Variants in XKR4 observed in about 807,000 individuals in gnomAD.
XKR4 encodes the protein XK related 4, also known as XK-related protein 4.
A neutral mutation model predicts 53.9 loss-of-function variants in XKR4; 12 were observed. That is an observed-to-expected ratio of 0.22 (90% confidence interval 0.14 to 0.36). The LOEUF is 0.36. Ranked by LOEUF, XKR4 falls within the 10% of genes least tolerant of loss-of-function variation. The pLI, the probability that XKR4 is intolerant of heterozygous loss-of-function variation, is 1.00. For missense variants in XKR4, 799 were observed against 859.5 expected (o/e 0.93, Z 0.88); for synonymous variants, 354 against 362.4 (o/e 0.98, Z 0.26).
At chr8:55,408,687 TGGAA>T (rs1804726468) in intron 2 of XKR4, among the ~76,000 whole-genome samples, 1 of 152,044 alleles carries the variant, frequency 6.6e-6, no homozygotes, top group Non-Finnish European at 1.5e-5. Context: ...TGTAGGCTAT[TGGAA>T]GGTAGCAGGG....
intron 1 of XKR4, among the ~76,000 whole-genome samples, chr8:55,131,568 T>G (rs1482380346): frequency 6.6e-6 from 1 of 152,208 alleles, no homozygotes; most frequent in African/African-American, 2.4e-5. Flanking sequence ...TTTGAATCTC[T>G]TCAGCACATT....
chr8:55,429,194 G>A (rs1015285362), intron 2 of XKR4, among the ~76,000 whole-genome samples: 2 of 152,160 alleles, frequency 1.3e-5, no homozygotes, highest in African/African-American at 4.8e-5. Flanking sequence ...CCAACAAATG[G>A]TGCTGGAGCA....
At chr8:55,211,810 G>T (rs761886616) in intron 1 of XKR4, among the ~76,000 whole-genome samples, 32 of 152,336 alleles carry the variant, frequency 2.1e-4, no homozygotes, top group Non-Finnish European at 4.0e-4. Flanking sequence ...TAAAATATTT[G>T]AAGAGATTTA....
At chr8:55,213,188 C>T (rs772155085) in intron 1 of XKR4, among the ~76,000 whole-genome samples, 124 of 152,308 alleles carry the variant, frequency 8.1e-4, no homozygotes, top group Non-Finnish European at 5.6e-4. Context: ...GATGGAGTTG[C>T]TTTGGCTCGA....
intron 1 of XKR4, among the ~76,000 whole-genome samples, chr8:55,148,564 A>G (rs1181796554): frequency 1.3e-5 from 2 of 152,194 alleles, no homozygotes; most frequent in East Asian, 3.8e-4. Flanking sequence ...ATCGGGTCAA[A>G]TAATGTAAAA....
Position 55,524,408 on chromosome 8 carries a change from C to T in XKR4, c.*181C>T. 1.6e-6 allele frequency: 1 copy of T among 630,088 alleles called. No homozygotes were observed. Among genetic ancestry groups the T allele is most frequent in the South Asian group, 2.0e-5 (1 of 48,948 alleles). 39.0% of individuals were successfully genotyped at this position (630,088 alleles called of 1,614,324 possible). On this transcript the variant is annotated 3_prime_UTR_variant, in exon 3 of 3. Coordinates refer to ENST00000327381, the MANE Select transcript of XKR4 (RefSeq NM_052898.2). ...GGCTGGTCTCCTTCCAAAGCAGCTG[C>T]ACCCGAGAGTCTCTGACTCCACCTG...
At chr8:55,207,628 ATGCG>A (rs1817667418) in intron 1 of XKR4, among the ~76,000 whole-genome samples, 6 of 146,980 alleles carry the variant, frequency 4.1e-5, no homozygotes, top group East Asian at 2.0e-4. Context: ...ACACACACAC[ATGCG>A]CGCGCACACA....
intron 2 of XKR4, among the ~76,000 whole-genome samples, chr8:55,414,465 T>C (rs1249028391): frequency 6.6e-6 from 1 of 150,808 alleles, no homozygotes; most frequent in Non-Finnish European, 1.5e-5. Context: ...GTTTCATATG[T>C]AATAGATTAT....
chr8:55,270,869 A>C (rs1162412843), intron 1 of XKR4, among the ~76,000 whole-genome samples: 1 of 152,220 alleles, frequency 6.6e-6, no homozygotes, highest in Non-Finnish European at 1.5e-5. Flanking sequence ...GGTGAAAGGC[A>C]TATAAAATAG....
chr8:55,430,666 A>G (rs1805087917), intron 2 of XKR4, among the ~76,000 whole-genome samples: 1 of 152,226 alleles, frequency 6.6e-6, no homozygotes, highest in Admixed American at 6.5e-5. Flanking sequence ...TTAGCAAAGT[A>G]TCATAGATGG....
intron 1 of XKR4, among the ~76,000 whole-genome samples, chr8:55,247,430 T>G (rs1818299687): frequency 6.6e-6 from 1 of 152,234 alleles, no homozygotes; most frequent in Admixed American, 6.5e-5. Context: ...TTAGCTCTTT[T>G]GATTTTTACA....
chr8:55,518,366 C>CG (rs1806746362), intron 2 of XKR4, among the ~76,000 whole-genome samples: 1 of 152,178 alleles, frequency 6.6e-6, no homozygotes, highest in Non-Finnish European at 1.5e-5. Context: ...AATACTCTTT[C>CG]TTTTTTTCCT....
At chr8:55,213,400 G>T (rs1817755409) in intron 1 of XKR4, among the ~76,000 whole-genome samples, 1 of 152,160 alleles carries the variant, frequency 6.6e-6, no homozygotes, top group African/African-American at 2.4e-5. Flanking sequence ...ATCAATCTGG[G>T]TGGCATCAGC....
At chr8:55,465,169 G>T (rs1005922858) in intron 2 of XKR4, among the ~76,000 whole-genome samples, 1 of 152,180 alleles carries the variant, frequency 6.6e-6, no homozygotes, top group South Asian at 2.1e-4. Flanking sequence ...AAAGAAGCCT[G>T]CATTGCCAAG....
Position 55,529,839 on chromosome 8 carries a change from C to T in XKR4, c.*5612C>T, listed in dbSNP as rs1227688698. ...AATGAACAGTTAAAAATGTAAAAGT[C>T]GATGTAAAATGGAAGTCTCTATCAC... On this transcript the variant is annotated 3_prime_UTR_variant, in exon 3 of 3. Coordinates refer to ENST00000327381, the MANE Select transcript of XKR4 (RefSeq NM_052898.2). 2 of 151,998 alleles carry T rather than the reference C, an allele frequency of 1.3e-5. No homozygotes were observed. Among genetic ancestry groups the T allele is most frequent in the East Asian group, 1.9e-4 (1 of 5,190 alleles). The allele number at this position is 151,998 out of a possible 1,614,324, so 9.4% of individuals were successfully genotyped here. A position where few individuals can be genotyped will look rare whatever the true frequency, so the allele number is the denominator to read the frequency against.
intron 1 of XKR4, among the ~76,000 whole-genome samples, chr8:55,158,347 G>A (rs1464545290): frequency 6.6e-6 from 1 of 152,088 alleles, no homozygotes; most frequent in African/African-American, 2.4e-5. Context: ...TTTTAATGAG[G>A]TTATTTTTTG....
chr8:55,516,685 C>A (rs2129405313), intron 2 of XKR4, among the ~76,000 whole-genome samples: 2 of 152,260 alleles, frequency 1.3e-5, no homozygotes, highest in East Asian at 3.9e-4. Flanking sequence ...GAATGTAAAT[C>A]AGTACAACCT....
At chr8:55,304,994 T>C (rs953998649) in intron 1 of XKR4, among the ~76,000 whole-genome samples, 4 of 151,966 alleles carry the variant, frequency 2.6e-5, no homozygotes, top group African/African-American at 7.3e-5. Context: ...AATTCAAAAA[T>C]ACTTATTTAT....
At chr8:55,372,802 C>A (rs188500791) in intron 2 of XKR4, among the ~76,000 whole-genome samples, 1 of 152,254 alleles carries the variant, frequency 6.6e-6, no homozygotes, top group African/African-American at 2.4e-5. Context: ...ACTTAAAAAC[C>A]AGGATCACTT....
Sources: gnomAD v4.1 joint callset for allele counts (sites outside exome capture counted in the v4.1 genomes callset) on GRCh38, gnomAD v4.1.1 for gene constraint, MANE v1.5 for transcripts, NCBI Gene and HGNC (gene_info 2026-07-23, HGNC 2026-07-21) for gene names.